The following ADAMTS18 variants were observed in gnomAD, a reference collection of about 807,000 sequenced individuals.
ADAMTS18 encodes ADAM metallopeptidase with thrombospondin type 1 motif 18, also known as A disintegrin and metalloproteinase with thrombospondin motifs 18.
A neutral mutation model predicts 165.9 loss-of-function variants in ADAMTS18; 157 were observed. The observed-to-expected ratio is 0.95, with a 90% confidence interval of 0.83 to 1.08. The LOEUF is 1.08. ADAMTS18 is among the 50% of genes least tolerant of loss of function. The probability of loss-of-function intolerance (pLI) is 0.00; values close to 1 mark genes in which losing one functional copy is unlikely to be tolerated. For synonymous variants in ADAMTS18, 782 were observed against 578.2 expected (o/e 1.35, Z -5.06); for missense variants, 2,040 against 1,534.0 (o/e 1.33, Z -5.51).
intron 15 of ADAMTS18, 37 bp downstream of exon 15, chr16:77,321,042 T>C: frequency 6.2e-7 from 1 of 1,613,738 alleles, no homozygotes; most frequent in Non-Finnish European, 8.5e-7. Context: ...GCAAAAGTTG[T>C]ATCTCATTAA....
At chr16:77,290,438 A>G (rs1031535305) in intron 21 of ADAMTS18, 2 of 152,084 alleles carry the variant, frequency 1.3e-5, no homozygotes, top group Non-Finnish European at 2.9e-5. Flanking sequence ...TCAATTTTAA[A>G]AAGAAATCCC....
At chr16:77,354,539 T>C (rs1013302188) in intron 9 of ADAMTS18, among the ~76,000 whole-genome samples, 1 of 151,122 alleles carries the variant, frequency 6.6e-6, no homozygotes, top group Non-Finnish European at 1.5e-5. Flanking sequence ...TCCACTTACT[T>C]AAATAATTAA....
intron 20 of ADAMTS18, 80 bp downstream of exon 20, chr16:77,292,996 T>G (rs1182045630): frequency 1.3e-6 from 2 of 1,584,428 alleles, no homozygotes; most frequent in African/African-American, 2.7e-5. Context: ...ATTTTTTGTA[T>G]TTTTAGTAGA....
At position 77,362,222 on chromosome 16, in the gene ADAMTS18, T is replaced by C. The variant is rs546447738; in HGVS notation, c.1099A>G (p.Ser367Gly). The change falls in exon 7 of 23, where the codon AGT (serine) becomes GGT (glycine). Residue 367 changes from serine (S) to glycine (G), a missense_variant. Coordinates refer to ENST00000282849, the MANE Select transcript of ADAMTS18 (RefSeq NM_199355.4). Reference sequence around the variant, plus strand: ...AGGGCAGACTGCCATTGACAAAAACTATTCAGAGACTGGTCTGCATGATGG... The same window carrying C: ...AGGGCAGACTGCCATTGACAAAAACCATTCAGAGACTGGTCTGCATGATGG... ...INHHADQSLNSFCQWQSALIG... is the reference protein window; with the variant it reads ...INHHADQSLNGFCQWQSALIG... The C allele has an allele frequency of 6.2e-7, 1 of 1,614,168 alleles. No individual in the cohort carries two copies. The highest frequency in any genetic ancestry group is 1.3e-5 in the African/African-American group (1 of 75,056).
intron 10 of ADAMTS18, among the ~76,000 whole-genome samples, chr16:77,347,143 T>C (rs1310971945): frequency 1.3e-5 from 2 of 152,246 alleles, no homozygotes; most frequent in African/African-American, 4.8e-5. Context: ...TATTGATGAA[T>C]GGAGTTCCAT....
intron 10 of ADAMTS18, among the ~76,000 whole-genome samples, chr16:77,347,951 G>T (rs958204615): frequency 6.6e-6 from 1 of 152,092 alleles, no homozygotes; most frequent in Non-Finnish European, 1.5e-5. Flanking sequence ...AGATATGGAA[G>T]TATTAATATG....
At chr16:77,377,628 A>G (rs1486857100) in intron 3 of ADAMTS18, among the ~76,000 whole-genome samples, 2 of 152,248 alleles carry the variant, frequency 1.3e-5, no homozygotes, top group South Asian at 4.1e-4. Flanking sequence ...AAGTAGCCCC[A>G]GTAGGCTGCC....
chr16:77,364,384 A>T lies in ADAMTS18; in HGVS notation c.779-3T>A, dbSNP rs772187742. 11 of 1,613,538 alleles carry T rather than the reference A, an allele frequency of 6.8e-6. No individual in the cohort carries two copies. Among genetic ancestry groups the T allele is most frequent in the Non-Finnish European group, 8.5e-6 (10 of 1,179,904 alleles). ...CTCTGTGGGAGGCTTGGGAGCATCT[A>T]CGATGAACAGAAGAGCATTTGGAAG... On this transcript the variant is annotated splice_polypyrimidine_tract_variant and splice_region_variant and intron_variant, in intron 4 of 22. Coordinates refer to ENST00000282849, the MANE Select transcript of ADAMTS18 (RefSeq NM_199355.4).
At chr16:77,288,854 G>A (rs1045483878) in intron 22 of ADAMTS18, among the ~76,000 whole-genome samples, 2 of 152,174 alleles carry the variant, frequency 1.3e-5, no homozygotes, top group Admixed American at 6.5e-5. Flanking sequence ...GCTTGTGACA[G>A]TAAACCCAGA....
chr16:77,409,296 C>T (rs1026308705), intron 3 of ADAMTS18, among the ~76,000 whole-genome samples: 1 of 152,146 alleles, frequency 6.6e-6, no homozygotes, highest in Non-Finnish European at 1.5e-5. Flanking sequence ...ACCTTGCAAA[C>T]TAAGTGGCCA....
intron 16 of ADAMTS18, among the ~76,000 whole-genome samples, chr16:77,310,745 A>G (rs913463174): frequency 2.6e-5 from 4 of 151,892 alleles, no homozygotes; most frequent in African/African-American, 9.7e-5. Context: ...CTCCCTCCTC[A>G]GCCTCTGGAA....
chr16:77,355,803 A>G (rs2056620680), intron 9 of ADAMTS18, 137 bp downstream of exon 9: 1 of 1,061,308 alleles, frequency 9.4e-7, no homozygotes, highest in African/African-American at 1.6e-5. Flanking sequence ...CACCATCATC[A>G]TTATCATCAT....
At chr16:77,414,044 T>C (rs1348995358) in intron 3 of ADAMTS18, among the ~76,000 whole-genome samples, 1 of 152,216 alleles carries the variant, frequency 6.6e-6, no homozygotes, top group Non-Finnish European at 1.5e-5. Context: ...AGAAACTATA[T>C]GACCCATATA....
chr16:77,331,784 C>T (rs2056193405), intron 12 of ADAMTS18, among the ~76,000 whole-genome samples: 2 of 152,132 alleles, frequency 1.3e-5, no homozygotes, highest in Non-Finnish European at 2.9e-5. Flanking sequence ...CAGCCCATGT[C>T]AATAGTGCTG....
At chr16:77,337,904 T>TTTTCTTTC (rs975584393) in intron 11 of ADAMTS18, among the ~76,000 whole-genome samples, 2 of 118,956 alleles carry the variant, frequency 1.7e-5, no homozygotes, top group African/African-American at 5.4e-5. Context: ...TTTTCTTTTC[T>TTTTCTTTC]TTTCTTTTTT....
intron 3 of ADAMTS18, among the ~76,000 whole-genome samples, chr16:77,382,191 C>T (rs1010428070): frequency 6.6e-6 from 1 of 151,732 alleles, no homozygotes. Flanking sequence ...CACTAACAAC[C>T]AGTTTTTGGT....
chr16:77,383,943 C>A (rs939123245), intron 3 of ADAMTS18, among the ~76,000 whole-genome samples: 5 of 152,124 alleles, frequency 3.3e-5, no homozygotes, highest in Admixed American at 2.0e-4. Flanking sequence ...CCAACCTTGT[C>A]ATTTTCTCAG....
In ADAMTS18 at chr16:77,349,472, A is replaced by G. The variant is rs1260210981; in HGVS notation, c.1614+4261T>C. On this transcript the variant is annotated intron_variant, in intron 10 of 22. Transcript: ENST00000282849. ...TGTGTCTATATTTATCTTATGTAAA[A>G]TGCAGTTTCACTGCATTTTTCCTCT... Among the ~76,000 whole-genome samples the G allele has an allele frequency of 5.5e-5, 8 of 145,386 alleles. No individual in the cohort carries two copies. In the Admixed American group the frequency reaches 5.8e-4, roughly 11 times the overall value.
At chr16:77,320,133 T>C in intron 15 of ADAMTS18, 40 bp from the exon 16 acceptor site, 2 of 1,613,270 alleles carry the variant, frequency 1.2e-6, no homozygotes, top group Non-Finnish European at 1.7e-6. Flanking sequence ...TTCCACCCCA[T>C]GCATTGGAGA....
Sources: gnomAD v4.1 joint callset for allele counts (sites outside exome capture counted in the v4.1 genomes callset) on GRCh38, gnomAD v4.1.1 for gene constraint, MANE v1.5 for transcripts, NCBI Gene and HGNC (gene_info 2026-07-23, HGNC 2026-07-21) for gene names.